Variants in ABCC5 observed in about 807,000 individuals in gnomAD.
ABCC5 encodes ATP binding cassette subfamily C member 5.
ABCC5 carries 61 observed loss-of-function variants against 160.9 expected under a neutral mutation model. The observed-to-expected ratio is 0.38, with a 90% CI of 0.31 to 0.47. ABCC5 has a LOEUF of 0.47. Ranked by LOEUF, ABCC5 falls within the 20% of genes least tolerant of loss-of-function variation. ABCC5 has a pLI of 0.99. For missense variants in ABCC5, 1,308 were observed against 1,813.3 expected (o/e 0.72, Z 5.06); for synonymous variants, 666 against 700.6 (o/e 0.95, Z 0.78).
chr3:184,007,312 G>A lies in ABCC5; in HGVS notation c.129+6952C>T, dbSNP rs183224888. The stretch of plus-strand genomic sequence containing the variant: ...TGAGATTACAGGCGTGAGCCACCAC[G>A]CCCGGCCCACTTCTGCTTATTTTTC... On this transcript the variant is annotated intron_variant, in intron 2 of 29. Transcript: ENST00000334444. Among the ~76,000 whole-genome samples, 311 of 151,664 alleles carry A rather than the reference G, an allele frequency of 2.1e-3. 2 individuals carry two copies. Among genetic ancestry groups the A allele is most frequent in the African/African-American group, 6.8e-3 (280 of 41,378 alleles).
chr3:183,953,056 C>A, intron 18 of ABCC5, 30 bp downstream of exon 18: 1 of 1,596,974 alleles, frequency 6.3e-7, no homozygotes, highest in Non-Finnish European at 8.5e-7. Flanking sequence ...TTCTTAGACA[C>A]AGAACTTTCC....
rs993832774 is a variant in ABCC5 at position 183,972,175 on chromosome 3, C to T, written c.1405-256G>A. 6 of 664,454 alleles carry T rather than the reference C, an allele frequency of 9.0e-6. No homozygotes were observed. In the South Asian group the frequency reaches 9.4e-5, roughly 10 times the overall value. The allele number at this position is 664,454 out of a possible 1,614,324, so 41.2% of individuals were successfully genotyped here. A position where few individuals can be genotyped will look rare whatever the true frequency, so the allele number is the denominator to read the frequency against. On this transcript the variant is annotated intron_variant, in intron 10 of 29. Transcript: ENST00000334444. ...ACATGACAAATTACATGCTAAACTG[C>T]CTTTCCCCCTCAGCCAGCCTAAAGC...
At chr3:183,955,949 C>A (rs1715867470) in intron 17 of ABCC5, among the ~76,000 whole-genome samples, 1 of 143,264 alleles carries the variant, frequency 7.0e-6, no homozygotes, top group Non-Finnish European at 1.5e-5. Context: ...ACATCGGTTA[C>A]AGGCAGATCC....
chr3:183,961,074 C>A (rs1716688473), intron 16 of ABCC5, among the ~76,000 whole-genome samples: 1 of 152,232 alleles, frequency 6.6e-6, no homozygotes, highest in Non-Finnish European at 1.5e-5. Context: ...CCAGCAAGAG[C>A]CGCAGCACCT....
At chr3:183,961,381 A>T (rs1321663835) in intron 16 of ABCC5, 130 bp downstream of exon 16, 50 of 1,166,708 alleles carry the variant, frequency 4.3e-5, no homozygotes, top group Non-Finnish European at 1.2e-6. Flanking sequence ...CAGTCTGTTC[A>T]CCAGAAAACA....
At chr3:183,932,518 C>T (rs1713271545) in intron 26 of ABCC5, among the ~76,000 whole-genome samples, 1 of 152,164 alleles carries the variant, frequency 6.6e-6, no homozygotes. Context: ...ACAGTGGGGT[C>T]GTGACACACG....
chr3:183,992,549 G>A (rs1426447233), intron 2 of ABCC5, among the ~76,000 whole-genome samples: 1 of 152,136 alleles, frequency 6.6e-6, no homozygotes, highest in Non-Finnish European at 1.5e-5. Flanking sequence ...ACTTTGGGAG[G>A]CCAAGGTGGG....
rs773017697 is a variant in ABCC5 at position 183,983,019 on chromosome 3, GAC to G, written c.592-14_592-13del. ...TTCACCATGAAGGCCTACAGGGAGA[GAC>G]ACACACCACTGTCAACATCTCCACG... On this transcript the variant is annotated splice_polypyrimidine_tract_variant and intron_variant, in intron 5 of 29. Transcript: ENST00000334444. The G allele has an allele frequency of 2.5e-6, 4 of 1,598,208 alleles. No individual in the cohort carries two copies.
chr3:183,987,874 C>G lies in ABCC5; in HGVS notation c.487G>C (p.Asp163His), dbSNP rs746338926. 1 of 1,614,092 alleles carries G rather than the reference C, an allele frequency of 6.2e-7. No homozygotes were observed. The highest frequency in any genetic ancestry group is 1.3e-5 in the African/African-American group (1 of 74,938). Residue 163 changes from aspartate (D) to histidine (H), a missense_variant, in exon 5 of 30, where the codon GAC becomes CAC. This residue lies in a region of ABCC5 where 1,142 missense variants were observed against 1,527.1 expected (regional missense o/e 0.75). Coordinates refer to ENST00000334444, the MANE Select transcript of ABCC5 (RefSeq NM_005688.4). The surrounding 1 kb of genome is among the most constrained non-coding windows in gnomAD (Gnocchi z 4.2). ...ACAACCCTTCGCAGGGAAGCAGCGTCTGGCCCAACTTCATTCAGCTCTTCT... is the reference window on the plus strand; with the variant it reads ...ACAACCCTTCGCAGGGAAGCAGCGTGTGGCCCAACTTCATTCAGCTCTTCT... Reference protein sequence around the residue: ...WQEELNEVGPDAASLRRVVWI... With the variant: ...WQEELNEVGPHAASLRRVVWI...
At chr3:183,967,445 G>A in intron 12 of ABCC5, 1 of 460,138 alleles carries the variant, frequency 2.2e-6, no homozygotes, top group Non-Finnish European at 4.0e-6. Context: ...ATGAAAGAAG[G>A]CATGAGACCA....
At chr3:183,997,356 A>G (rs1273708721) in intron 2 of ABCC5, among the ~76,000 whole-genome samples, 1 of 152,266 alleles carries the variant, frequency 6.6e-6, no homozygotes, top group Non-Finnish European at 1.5e-5. Context: ...TGGGATAATT[A>G]AAAGTGCTTA....
intron 14 of ABCC5, among the ~76,000 whole-genome samples, chr3:183,964,029 C>T (rs544160510): frequency 6.6e-6 from 1 of 152,314 alleles, no homozygotes; most frequent in South Asian, 2.1e-4. Context: ...AGTTCTCAGC[C>T]TCCAGTGCAC....
At chr3:184,015,576 A>G (rs1722124047) in intron 1 of ABCC5, among the ~76,000 whole-genome samples, 2 of 152,228 alleles carry the variant, frequency 1.3e-5, no homozygotes, top group South Asian at 4.1e-4. Flanking sequence ...CTGAATAAAA[A>G]GGACTAAATC....
At chr3:183,958,964 A>T (rs1206537681) in intron 17 of ABCC5, among the ~76,000 whole-genome samples, 1 of 152,030 alleles carries the variant, frequency 6.6e-6, no homozygotes, top group African/African-American at 2.4e-5. Context: ...GGCAAACCCA[A>T]GAAAGTCCCT....
In ABCC5 at chr3:183,920,705, C is replaced by G. The variant is rs1272179366; in HGVS notation, c.*595G>C. The G allele has an allele frequency of 6.5e-6, 1 of 152,700 alleles. No homozygotes were observed. The highest frequency in any genetic ancestry group is 1.5e-5 in the Non-Finnish European group (1 of 68,084). The allele number at this position is 152,700 out of a possible 1,614,324, so 9.5% of individuals were successfully genotyped here. A position where few individuals can be genotyped will look rare whatever the true frequency, so the allele number is the denominator to read the frequency against. On this transcript the variant is annotated 3_prime_UTR_variant, in exon 30 of 30. Transcript: ENST00000334444. The surrounding 1 kb of genome is among the most constrained non-coding windows in gnomAD (Gnocchi z 4.1). The stretch of plus-strand genomic sequence containing the variant: ...CCAGCCGCCCACCCGTCTCCAGCCA[C>G]CCCTGGAGCGGCCGTGGGGAGGCGG...
intron 2 of ABCC5, among the ~76,000 whole-genome samples, chr3:184,004,506 C>CA (rs34319740): frequency 0.028 from 2,120 of 76,704 alleles, 69 homozygotes; most frequent in African/African-American, 0.081. Context: ...GACTCCGTCT[C>CA]AAAAAAAAAA....
At chr3:183,983,867 TAC>T (rs1363062964) in intron 5 of ABCC5, 1 of 985,364 alleles carries the variant, frequency 1.0e-6, no homozygotes, top group African/African-American at 1.7e-5. Flanking sequence ...CATTGAAACA[TAC>T]AGAGTCGAGT....
At chr3:183,947,255 T>A (rs1182880275) in intron 23 of ABCC5, 69 bp downstream of exon 23, 24 of 1,432,600 alleles carry the variant, frequency 1.7e-5, no homozygotes, top group Non-Finnish European at 2.0e-5. Flanking sequence ...CCCACAATCA[T>A]CCCTCTTTTA....
chr3:183,924,466 C>T (rs1712326672), intron 29 of ABCC5, among the ~76,000 whole-genome samples: 1 of 152,172 alleles, frequency 6.6e-6, no homozygotes, highest in Non-Finnish European at 1.5e-5. Context: ...GCCTGACACA[C>T]AGTAAACATT....
Sources: gnomAD v4.1 joint callset for allele counts (sites outside exome capture counted in the v4.1 genomes callset) on GRCh38, gnomAD v4.1.1 for gene constraint, gnomAD v4.1.1 regional missense constraint, Gnocchi (gnomAD v3.1) non-coding constraint, MANE v1.5 for transcripts, NCBI Gene and HGNC (gene_info 2026-07-23, HGNC 2026-07-21) for gene names.